AGBL1: variants seen among roughly 807,000 people sequenced by gnomAD.
The protein encoded by AGBL1 is cytosolic carboxypeptidase 4.
A neutral mutation model predicts 118.9 loss-of-function variants in AGBL1; 130 were observed. The observed-to-expected ratio is 1.09, with a 90% confidence interval of 0.95 to 1.26. The LOEUF is 1.26. Among genes scored for constraint, AGBL1 ranks in the 50% most tolerant of loss-of-function variants. The pLI is 0.00. For missense variants in AGBL1, 1,584 were observed against 1,298.1 expected, an observed-to-expected ratio of 1.22 and a Z score of -3.38; for synonymous variants, 555 against 478.9, an observed-to-expected ratio of 1.16 and a Z score of -2.08.
chr15:86,135,835 A>G (rs924771670), intron 1 of AGBL1, among the ~76,000 whole-genome samples: 21 of 152,210 alleles, frequency 1.4e-4, no homozygotes, highest in Non-Finnish European at 2.4e-4. Context: ...TGATTAATCA[A>G]TAGAATGTGG....
chr15:86,817,266 T>C (rs1428504811), intron 22 of AGBL1, among the ~76,000 whole-genome samples: 1 of 137,944 alleles, frequency 7.2e-6, no homozygotes, highest in Admixed American at 7.9e-5. Context: ...TACTCTAGCC[T>C]GGGATACAAG....
chr15:86,999,853 AG>A (rs1158673871), intron 24 of AGBL1, among the ~76,000 whole-genome samples: 6 of 123,442 alleles, frequency 4.9e-5, no homozygotes, highest in Non-Finnish European at 6.9e-5. Flanking sequence ...ACAGTGTAAA[AG>A]TGTTCCTATT....
intron 1 of AGBL1, among the ~76,000 whole-genome samples, chr15:86,113,269 CTTTCTTTTTCTTTCTTTCTTTTTT>C (rs1897538777): frequency 1.3e-5 from 1 of 75,138 alleles, no homozygotes; most frequent in Non-Finnish European, 3.0e-5. Flanking sequence ...TTCTTTCTTT[CTTTCTTTTTCTTTCTTTCTTTTTT>C]TTTTTTTTTT....
At chr15:86,219,945 CTTTTTT>C (rs68023928) in intron 5 of AGBL1, among the ~76,000 whole-genome samples, 3 of 85,776 alleles carry the variant, frequency 3.5e-5, no homozygotes, top group Non-Finnish European at 6.5e-5. Flanking sequence ...AATGCTGCCT[CTTTTTT>C]TTTTTTTTTT....
intron 23 of AGBL1, among the ~76,000 whole-genome samples, chr15:86,924,728 A>G (rs897775730): frequency 3.3e-5 from 5 of 152,072 alleles, no homozygotes; most frequent in Admixed American, 2.6e-4. Flanking sequence ...CATGTGCACG[A>G]TAAGAATCAT....
chr15:86,725,222 A>G (rs574651556), intron 22 of AGBL1, among the ~76,000 whole-genome samples: 8 of 152,254 alleles, frequency 5.3e-5, no homozygotes, highest in Non-Finnish European at 1.0e-4. Flanking sequence ...ACATTGTTTC[A>G]TTCAAGGAGC....
chr15:86,858,463 G>GGT (rs3059715), intron 22 of AGBL1, among the ~76,000 whole-genome samples: 49,364 of 146,900 alleles, frequency 0.34, 8,119 homozygotes, highest in East Asian at 0.43. Flanking sequence ...CCTTTCAGGT[G>GGT]GTGTGTGTGT....
intron 21 of AGBL1, among the ~76,000 whole-genome samples, chr15:86,622,351 TA>T (rs1394491077): frequency 1.4e-5 from 2 of 139,058 alleles, no homozygotes; most frequent in Non-Finnish European, 3.1e-5. Flanking sequence ...AAAAAGGGGG[TA>T]GGGGGTCCAC....
chr15:86,730,726 T>A (rs186106281), intron 22 of AGBL1, among the ~76,000 whole-genome samples: 3 of 152,350 alleles, frequency 2.0e-5, no homozygotes, highest in African/African-American at 7.2e-5. Flanking sequence ...TGCATGGGAA[T>A]GGACTTTACA....
chr15:86,599,395 C>A (rs1247030061), intron 21 of AGBL1, among the ~76,000 whole-genome samples: 3 of 151,980 alleles, frequency 2.0e-5, no homozygotes, highest in Non-Finnish European at 4.4e-5. Context: ...GTTAACCATG[C>A]AGGGTCAAAT....
intron 19 of AGBL1, among the ~76,000 whole-genome samples, chr15:86,536,352 C>G (rs1339251617): frequency 2.0e-5 from 3 of 152,130 alleles, no homozygotes; most frequent in African/African-American, 7.2e-5. Flanking sequence ...CGATCTGTCA[C>G]CAGGCTGGAG....
chr15:86,147,860 C>T (rs547102472), intron 3 of AGBL1, among the ~76,000 whole-genome samples: 9 of 152,244 alleles, frequency 5.9e-5, no homozygotes, highest in Admixed American at 2.6e-4. Context: ...CAGTAGGGGC[C>T]GACTGACACC....
chr15:86,764,916 A>T (rs190581316), intron 22 of AGBL1, among the ~76,000 whole-genome samples: 62 of 152,190 alleles, frequency 4.1e-4, no homozygotes, highest in Middle Eastern at 3.4e-3. Flanking sequence ...ATGATAAAGA[A>T]TATTGATCCT....
chr15:86,134,312 G>T (rs1349468905), intron 1 of AGBL1, among the ~76,000 whole-genome samples: 1 of 152,188 alleles, frequency 6.6e-6, no homozygotes, highest in Non-Finnish European at 1.5e-5. Flanking sequence ...TGGCAATATG[G>T]TTTCCTTGGG....
At chr15:86,199,054 A>G (rs751630946) in intron 5 of AGBL1, among the ~76,000 whole-genome samples, 9 of 152,230 alleles carry the variant, frequency 5.9e-5, no homozygotes, top group African/African-American at 2.2e-4. Flanking sequence ...AAATGCACGC[A>G]TATGTTTGTG....
intron 17 of AGBL1, among the ~76,000 whole-genome samples, chr15:86,368,579 G>T (rs866181963): frequency 2.6e-5 from 4 of 152,138 alleles, no homozygotes; most frequent in South Asian, 2.1e-4. Context: ...AAAGTAAATG[G>T]GATAAATTTA....
At chr15:86,415,199 G>A (rs1203684448) in intron 18 of AGBL1, among the ~76,000 whole-genome samples, 11 of 152,216 alleles carry the variant, frequency 7.2e-5, no homozygotes, top group South Asian at 6.2e-4. Context: ...CCAATGATCC[G>A]TTCTTGAATA....
At chr15:86,709,613 A>G (rs1166715647) in intron 22 of AGBL1, among the ~76,000 whole-genome samples, 6 of 152,162 alleles carry the variant, frequency 3.9e-5, no homozygotes, top group Admixed American at 3.3e-4. Context: ...GTGCTTGAAA[A>G]CCAAAGAATA....
chr15:86,293,129 A>G (rs1281299647), intron 16 of AGBL1, among the ~76,000 whole-genome samples: 2 of 152,178 alleles, frequency 1.3e-5, no homozygotes, highest in Non-Finnish European at 2.9e-5. Flanking sequence ...GTCTATTCCT[A>G]TTCAGATGTC....
Sources: allele counts gnomAD v4.1 joint callset (sites outside exome capture counted in the v4.1 genomes callset), GRCh38; gene constraint gnomAD v4.1.1; transcripts MANE v1.5; gene names NCBI Gene and HGNC (gene_info 2026-07-23, HGNC 2026-07-21).